Variants in ASPRV1 observed in about 807,000 individuals in gnomAD.
The protein encoded by ASPRV1 is aspartic peptidase retroviral like 1, also known as retroviral-like aspartic protease 1.
In ASPRV1, 7 loss-of-function variants were observed where a neutral mutation model predicts 11.0. The observed-to-expected ratio is 0.64, with a 90% CI of 0.36 to 1.20. The LOEUF (loss-of-function observed/expected upper bound fraction) is 1.20. Ranked by LOEUF, ASPRV1 falls within the 50% of genes most tolerant of loss-of-function variation. The pLI, the probability that ASPRV1 is intolerant of heterozygous loss-of-function variation, is 0.02. For missense variants in ASPRV1, 299 were observed against 320.0 expected (o/e 0.93, Z 0.50); for synonymous variants, 136 against 138.4 (o/e 0.98, Z 0.12).
chr2:69,959,755 GTT>G (rs1572875150), downstream of ASPRV1, among the ~76,000 whole-genome samples: 1 of 152,178 alleles, frequency 6.6e-6, no homozygotes, highest in East Asian at 1.9e-4. Flanking sequence ...TTTCCTGTTT[GTT>G]TATCATAACC....
At chr2:70,007,044 G>A in the ASPRV1 span, among the ~76,000 whole-genome samples, 2 of 152,174 alleles carry the variant, frequency 1.3e-5, no homozygotes, top group African/African-American at 2.4e-5. Context: ...GCAGTAAAAG[G>A]ACCTATCTCT....
At chr2:70,065,369 T>C in the ASPRV1 span, among the ~76,000 whole-genome samples, 2 of 101,756 alleles carry the variant, frequency 2.0e-5, no homozygotes, top group African/African-American at 8.0e-5. Context: ...CCAGCCTGGG[T>C]AACAGTGCAA....
chr2:70,034,197 C>A, the ASPRV1 span, among the ~76,000 whole-genome samples: 1 of 150,268 alleles, frequency 6.7e-6, no homozygotes, highest in Non-Finnish European at 1.5e-5. Context: ...TGCTTCTGTC[C>A]CTAAGACACT....
the ASPRV1 span, among the ~76,000 whole-genome samples, chr2:70,065,390 C>CAAAAAAAAAAAAAAAAAAAA: frequency 1.9e-5 from 1 of 52,726 alleles, no homozygotes; most frequent in Non-Finnish European, 3.9e-5. Context: ...GACACCATCT[C>CAAAAAAAAAAAAAAAAAAAA]AAAAAAAAAA....
At chr2:69,953,874 ATT>A in the ASPRV1 span, among the ~76,000 whole-genome samples, 28,631 of 141,586 alleles carry the variant, frequency 0.2, 3,632 homozygotes, top group African/African-American at 0.36. Flanking sequence ...TGCCCGGCTA[ATT>A]TTTTTTTTTT....
chr2:70,066,200 T>C, the ASPRV1 span, among the ~76,000 whole-genome samples: 1 of 151,796 alleles, frequency 6.6e-6, no homozygotes. Flanking sequence ...AGAGACTCTG[T>C]CTCCAAAACA....
At chr2:70,033,897 G>T in the ASPRV1 span, among the ~76,000 whole-genome samples, 1 of 152,064 alleles carries the variant, frequency 6.6e-6, no homozygotes, top group Admixed American at 6.5e-5. Flanking sequence ...GCTCACGCCT[G>T]TAATCCCAGC....
At chr2:70,079,921 T>C in the ASPRV1 span, among the ~76,000 whole-genome samples, 2 of 151,788 alleles carry the variant, frequency 1.3e-5, no homozygotes, top group African/African-American at 4.9e-5. Context: ...ACAACAAATA[T>C]TACACAGTGA....
chr2:70,006,654 C>T, the ASPRV1 span, among the ~76,000 whole-genome samples: 2 of 152,084 alleles, frequency 1.3e-5, no homozygotes. Flanking sequence ...GAGAGAACAC[C>T]CTTACTTCAT....
the ASPRV1 span, among the ~76,000 whole-genome samples, chr2:70,085,396 A>G: frequency 6.6e-6 from 1 of 152,200 alleles, no homozygotes; most frequent in Admixed American, 6.5e-5. Flanking sequence ...TATCAGGAAA[A>G]GCTGGGAGCT....
the ASPRV1 span, among the ~76,000 whole-genome samples, chr2:69,943,780 GTCC>G: frequency 6.6e-6 from 1 of 152,174 alleles, no homozygotes; most frequent in South Asian, 2.1e-4. Flanking sequence ...TGGCGCTCAA[GTCC>G]TCATCATGGC....
chr2:70,066,118 A>G, the ASPRV1 span, among the ~76,000 whole-genome samples: 15 of 152,094 alleles, frequency 9.9e-5, no homozygotes, highest in African/African-American at 3.4e-4. Context: ...CTGAGGCAGG[A>G]CAATCGCTTG....
At chr2:69,951,071 C>A in the ASPRV1 span, among the ~76,000 whole-genome samples, 1 of 151,912 alleles carries the variant, frequency 6.6e-6, no homozygotes, top group South Asian at 2.1e-4. Flanking sequence ...TGGAAAAATA[C>A]ACCGTGTTTG....
the ASPRV1 span, among the ~76,000 whole-genome samples, chr2:70,057,548 G>A: frequency 2.0e-5 from 3 of 151,122 alleles, no homozygotes; most frequent in Non-Finnish European, 2.9e-5. Context: ...GTGTGATCTC[G>A]GCTCACTGCA....
chr2:69,987,369 T>C, the ASPRV1 span, among the ~76,000 whole-genome samples: 1 of 152,014 alleles, frequency 6.6e-6, no homozygotes, highest in Non-Finnish European at 1.5e-5. Flanking sequence ...CGGTGGGCTA[T>C]CCTTGGCCCC....
At chr2:70,048,966 T>G in the ASPRV1 span, 1 of 152,132 alleles carries the variant, frequency 6.6e-6, no homozygotes, top group African/African-American at 2.4e-5. Context: ...GACTTTCCAG[T>G]ACAACTTCAT....
At chr2:70,024,317 T>C in the ASPRV1 span, among the ~76,000 whole-genome samples, 1 of 152,200 alleles carries the variant, frequency 6.6e-6, no homozygotes, top group African/African-American at 2.4e-5. Flanking sequence ...CCTCATAAAG[T>C]GCAAACCCGT....
At chr2:70,059,017 A>T in the ASPRV1 span, among the ~76,000 whole-genome samples, 1 of 148,834 alleles carries the variant, frequency 6.7e-6, no homozygotes, top group East Asian at 2.0e-4. Context: ...CCTCCTGAGT[A>T]GCTGGGACTA....
the ASPRV1 span, among the ~76,000 whole-genome samples, chr2:70,075,690 T>C: frequency 9.9e-5 from 15 of 151,892 alleles, no homozygotes; most frequent in Non-Finnish European, 1.5e-4. Context: ...CTACTAAAAA[T>C]ACAAAATTAG....
Sources: gnomAD v4.1 joint callset for allele counts (sites outside exome capture counted in the v4.1 genomes callset) on GRCh38, gnomAD v4.1.1 for gene constraint, MANE v1.5 for transcripts, NCBI Gene and HGNC (gene_info 2026-07-23, HGNC 2026-07-21) for gene names.